RAPGEF5: variants seen among roughly 807,000 people sequenced by gnomAD.
RAPGEF5 encodes M-Ras-regulated GEF.
RAPGEF5 carries 65 observed loss-of-function variants against 125.2 expected under a neutral mutation model. That is an observed-to-expected ratio of 0.52 (90% CI 0.43 to 0.64). The LOEUF (loss-of-function observed/expected upper bound fraction) is 0.64, where lower values mean the gene tolerates loss of function less well. Ranked by LOEUF, RAPGEF5 falls within the 30% of genes least tolerant of loss-of-function variation. The probability of loss-of-function intolerance (pLI) is 0.00; values close to 1 mark genes in which losing one functional copy is unlikely to be tolerated. For synonymous variants in RAPGEF5, 391 were observed against 385.9 expected, an observed-to-expected ratio of 1.01 and a Z score of -0.16; for missense variants, 958 against 1,048.1, an observed-to-expected ratio of 0.91 and a Z score of 1.19.
chr7:22,174,795 T>C (rs1366971158), intron 11 of RAPGEF5, among the ~76,000 whole-genome samples: 1 of 152,136 alleles, frequency 6.6e-6, no homozygotes, highest in Non-Finnish European at 1.5e-5. Context: ...GAACTCAGAC[T>C]GGATAAGGGA....
chr7:22,203,983 A>G, intron 9 of RAPGEF5, among the ~76,000 whole-genome samples: 1 of 152,250 alleles, frequency 6.6e-6, no homozygotes, highest in Non-Finnish European at 1.5e-5. Flanking sequence ...TTTCACTAGC[A>G]GCCCAAAGGT....
chr7:22,352,518 G>C (rs971775892), intron 1 of RAPGEF5, among the ~76,000 whole-genome samples: 1 of 152,158 alleles, frequency 6.6e-6, no homozygotes, highest in Non-Finnish European at 1.5e-5. Context: ...TCTTGCGTCA[G>C]AAAAGTAAGA....
At chr7:22,356,139 C>T in intron 1 of RAPGEF5, 1 of 985,384 alleles carries the variant, frequency 1.0e-6, no homozygotes, top group Non-Finnish European at 1.2e-6. Context: ...CTGACCTGCT[C>T]AGGTCATTAG....
rs1007039015 is a variant in RAPGEF5 at position 22,121,464 on chromosome 7, A to C, written c.*942T>G. ...CTGCTGTCATTCCATAGTGTGGGCA[A>C]GGAGCCTGTATGAGGTACGCAAAAT... On this transcript the variant is annotated 3_prime_UTR_variant, in exon 26 of 26. Transcript: ENST00000665637. 1.3e-5 allele frequency: 2 copies of C among 152,188 alleles called. No individual in the cohort carries two copies. The highest frequency in any genetic ancestry group is 2.9e-5 in the Non-Finnish European group (2 of 68,038). The allele number at this position is 152,188 out of a possible 1,614,324, so 9.4% of individuals were successfully genotyped here. A position where few individuals can be genotyped will look rare whatever the true frequency, so the allele number is the denominator to read the frequency against.
chr7:22,282,637 T>C (rs942730630), intron 6 of RAPGEF5, among the ~76,000 whole-genome samples: 5 of 152,250 alleles, frequency 3.3e-5, no homozygotes, highest in African/African-American at 1.2e-4. Flanking sequence ...TAATACACCC[T>C]GTCATGTGAG....
At chr7:22,129,719 C>T (rs548144488) in intron 24 of RAPGEF5, among the ~76,000 whole-genome samples, 2 of 151,892 alleles carry the variant, frequency 1.3e-5, no homozygotes, top group Non-Finnish European at 2.9e-5. Flanking sequence ...CAGAGACAAA[C>T]TTGAAAATGT....
chr7:22,294,063 T>G (rs901742590), intron 5 of RAPGEF5, among the ~76,000 whole-genome samples: 2 of 152,172 alleles, frequency 1.3e-5, no homozygotes, highest in African/African-American at 2.4e-5. Context: ...GAAAAGCAAG[T>G]ATAACACTTG....
At chr7:22,141,704 GC>G in intron 20 of RAPGEF5, among the ~76,000 whole-genome samples, 1 of 152,328 alleles carries the variant, frequency 6.6e-6, no homozygotes, top group East Asian at 1.9e-4. Context: ...TTGCTGCTGA[GC>G]CTCCACTGGG....
In RAPGEF5 at chr7:22,291,182, G is replaced by C. The variant is rs1275326266; in HGVS notation, c.740C>G (p.Thr247Arg). Residue 247 changes from threonine to arginine, a missense_variant, in exon 6 of 26, where the codon ACA becomes AGA. Coordinates refer to ENST00000665637, the MANE Select transcript of RAPGEF5 (RefSeq NM_012294.5). ...AAAATTGCATGGTCTTACCGCAGAT[G>C]TTAGACGCACAAGAATTTCATCACT... is the stretch of plus-strand genomic sequence containing the variant. ...ESSDEILVRL[T>R]SAVQRELAAV... 3 of 1,590,500 alleles carry C rather than the reference G, an allele frequency of 1.9e-6. No individual in the cohort carries two copies. The highest frequency in any genetic ancestry group is 2.6e-6 in the Non-Finnish European group (3 of 1,169,656).
At chr7:22,245,583 C>G (rs967844914) in intron 7 of RAPGEF5, among the ~76,000 whole-genome samples, 12 of 152,014 alleles carry the variant, frequency 7.9e-5, no homozygotes, top group Admixed American at 2.0e-4. Flanking sequence ...GTATATTTTT[C>G]AAGTCCATGT....
intron 7 of RAPGEF5, among the ~76,000 whole-genome samples, chr7:22,236,306 G>T (rs546382029): frequency 5.3e-5 from 8 of 152,090 alleles, no homozygotes; most frequent in African/African-American, 1.9e-4. Context: ...CTCCATTTCT[G>T]CCCACTTCTC....
At chr7:22,345,381 A>G (rs1359858485) in intron 1 of RAPGEF5, among the ~76,000 whole-genome samples, 2 of 152,186 alleles carry the variant, frequency 1.3e-5, no homozygotes, top group African/African-American at 4.8e-5. Flanking sequence ...TCAGGCACTG[A>G]TGATGATGAC....
intron 9 of RAPGEF5, among the ~76,000 whole-genome samples, chr7:22,209,315 G>A (rs1785459598): frequency 6.6e-6 from 1 of 152,152 alleles, no homozygotes; most frequent in Non-Finnish European, 1.5e-5. Context: ...CCTTGTGCAG[G>A]CTCAAGATCT....
chr7:22,324,034 A>C (rs1783766527), intron 1 of RAPGEF5, among the ~76,000 whole-genome samples: 1 of 152,178 alleles, frequency 6.6e-6, no homozygotes, highest in Non-Finnish European at 1.5e-5. Context: ...GTATCAAAGT[A>C]TCTCCCGCCG....
intron 9 of RAPGEF5, among the ~76,000 whole-genome samples, chr7:22,199,938 G>A (rs958444336): frequency 1.3e-5 from 2 of 152,120 alleles, no homozygotes; most frequent in African/African-American, 2.4e-5. Flanking sequence ...AAATGAAGAC[G>A]ATTCTGGATC....
chr7:22,135,969 C>T, intron 23 of RAPGEF5, 69 bp downstream of exon 23: 1 of 1,274,996 alleles, frequency 7.8e-7, no homozygotes. Context: ...CCTTTTTTGC[C>T]CTCAATAGTT....
intron 18 of RAPGEF5, among the ~76,000 whole-genome samples, 167 bp from the exon 19 acceptor site, chr7:22,147,186 G>T (rs1783470010): frequency 6.6e-6 from 1 of 152,182 alleles, no homozygotes; most frequent in Non-Finnish European, 1.5e-5. Context: ...AGCCAATTTA[G>T]GAAACGGTCT....
intron 3 of RAPGEF5, among the ~76,000 whole-genome samples, chr7:22,312,200 G>C (rs1237950314): frequency 1.3e-5 from 2 of 151,728 alleles, no homozygotes; most frequent in African/African-American, 2.4e-5. Flanking sequence ...TGGGACCTCA[G>C]ATTCCACATT....
At chr7:22,124,122 G>A (rs890110823) in intron 25 of RAPGEF5, among the ~76,000 whole-genome samples, 1 of 152,190 alleles carries the variant, frequency 6.6e-6, no homozygotes, top group Non-Finnish European at 1.5e-5. Context: ...TGATGAGTGG[G>A]AGGTTCAAGG....
Sources: gnomAD v4.1 joint callset for allele counts (sites outside exome capture counted in the v4.1 genomes callset) on GRCh38, gnomAD v4.1.1 for gene constraint, MANE v1.5 for transcripts, NCBI Gene and HGNC (gene_info 2026-07-23, HGNC 2026-07-21) for gene names.